Variants in GRM7 observed in about 807,000 individuals in gnomAD.
GRM7 encodes glutamate metabotropic receptor 7.
Under a neutral mutation model 84.5 loss-of-function variants are expected in GRM7, and 35 were observed. The ratio of observed to expected loss-of-function variants is 0.41; its 90% confidence interval spans 0.32 to 0.55. The LOEUF (loss-of-function observed/expected upper bound fraction) is 0.55, where lower values mean the gene tolerates loss of function less well. Ranked by LOEUF, GRM7 falls within the 20% of genes least tolerant of loss-of-function variation. The pLI is 0.19. For missense variants in GRM7, 1,003 were observed against 1,194.6 expected, an observed-to-expected ratio of 0.84 and a Z score of 2.36; for synonymous variants, 487 against 455.1, an observed-to-expected ratio of 1.07 and a Z score of -0.89.
intron 1 of GRM7, among the ~76,000 whole-genome samples, chr3:7,032,331 G>A (rs1696221224): frequency 6.6e-6 from 1 of 152,094 alleles, no homozygotes; most frequent in African/African-American, 2.4e-5. Context: ...TGAGTTATTT[G>A]GTTAGATGTG....
chr3:6,991,422 C>T (rs1219346916), intron 1 of GRM7, among the ~76,000 whole-genome samples: 2 of 151,994 alleles, frequency 1.3e-5, no homozygotes, highest in African/African-American at 2.4e-5. Context: ...GTGAACGTTG[C>T]AAGAACAAAT....
At chr3:7,542,123 T>C (rs544766954) in intron 7 of GRM7, among the ~76,000 whole-genome samples, 3 of 152,218 alleles carry the variant, frequency 2.0e-5, no homozygotes, top group Non-Finnish European at 4.4e-5. Flanking sequence ...TATGACCTCA[T>C]TGTAACTGCA....
At chr3:7,520,525 A>G (rs1575445322) in intron 7 of GRM7, among the ~76,000 whole-genome samples, 1 of 149,824 alleles carries the variant, frequency 6.7e-6, no homozygotes, top group East Asian at 2.0e-4. Context: ...AAAAAAAAAC[A>G]CCACCATGGG....
intron 1 of GRM7, among the ~76,000 whole-genome samples, chr3:7,105,475 A>AT (rs1236909135): frequency 6.6e-6 from 1 of 151,800 alleles, no homozygotes; most frequent in East Asian, 1.9e-4. Context: ...GAATTTTGGC[A>AT]TTTTTTCCTG....
intron 4 of GRM7, among the ~76,000 whole-genome samples, chr3:7,386,739 G>T (rs1451202591): frequency 6.6e-6 from 1 of 152,044 alleles, no homozygotes; most frequent in Non-Finnish European, 1.5e-5. Context: ...TTCAAGTGCG[G>T]GTGTCTTTTG....
chr3:7,453,348 C>T (rs1204550671), intron 6 of GRM7, among the ~76,000 whole-genome samples: 1 of 152,018 alleles, frequency 6.6e-6, no homozygotes, highest in Non-Finnish European at 1.5e-5. Flanking sequence ...AGGCTTAGTT[C>T]CCAAGACTCT....
intron 2 of GRM7, among the ~76,000 whole-genome samples, chr3:7,199,877 G>A (rs1182414303): frequency 2.0e-5 from 3 of 152,138 alleles, no homozygotes; most frequent in Non-Finnish European, 4.4e-5. Flanking sequence ...CATCATGCCA[G>A]ACCTTCTGTC....
intron 4 of GRM7, among the ~76,000 whole-genome samples, chr3:7,412,473 C>A (rs1007634178): frequency 1.3e-5 from 2 of 152,176 alleles, no homozygotes; most frequent in Non-Finnish European, 2.9e-5. Context: ...CTGGAAAGGT[C>A]ACTTCCCAAA....
chr3:7,680,188 A>G lies in GRM7; in HGVS notation c.2591A>G (p.Lys864Arg). 6.2e-7 allele frequency: 1 copy of G among 1,614,208 alleles called. No homozygotes were observed. The highest frequency in any genetic ancestry group is 1.1e-5 in the South Asian group (1 of 91,090). ...LNVQKRKRSFKAVVTAATMSS... is the reference protein window; with the variant it reads ...LNVQKRKRSFRAVVTAATMSS... The stretch of plus-strand genomic sequence containing the variant: ...GTCCAGAAACGGAAGCGAAGCTTCA[A>G]GGCGGTAGTCACAGCAGCCACCATG... The change falls in exon 9 of 10, where the codon AAG (lysine) becomes AGG (arginine). Residue 864 changes from lysine (K) to arginine (R), a missense_variant. By Grantham distance (26) the Lys-to-Arg change is conservative. Around this residue, in one of 2 missense-constraint regions of GRM7, gnomAD observed 910 missense variants for 1,126.0 expected, o/e 0.81. Transcript: ENST00000357716.
chr3:7,648,812 A>G (rs1057086243), intron 8 of GRM7, among the ~76,000 whole-genome samples: 4 of 152,162 alleles, frequency 2.6e-5, no homozygotes, highest in Non-Finnish European at 5.9e-5. Flanking sequence ...TAAGACTACA[A>G]AAATAGGTCT....
intron 7 of GRM7, among the ~76,000 whole-genome samples, chr3:7,516,476 C>CA (rs34508559): frequency 0.023 from 955 of 42,400 alleles, 82 homozygotes; most frequent in East Asian, 0.083. Flanking sequence ...GACTCCCTCT[C>CA]AAAAAAAAAA....
chr3:7,446,463 T>G (rs1274635956), intron 5 of GRM7, among the ~76,000 whole-genome samples: 3 of 120,268 alleles, frequency 2.5e-5, no homozygotes, highest in Admixed American at 8.2e-5. Flanking sequence ...TTTTTTTTTT[T>G]GTTTTTTTTT....
chr3:6,909,283 G>C (rs1029885554), intron 1 of GRM7, among the ~76,000 whole-genome samples: 5 of 152,182 alleles, frequency 3.3e-5, no homozygotes, highest in Admixed American at 6.5e-5. Context: ...TTGATTGGTG[G>C]TTACTCCAAA....
intron 1 of GRM7, among the ~76,000 whole-genome samples, chr3:6,869,649 T>C (rs375384676): frequency 8.4e-5 from 11 of 130,678 alleles, no homozygotes; most frequent in Non-Finnish European, 1.6e-4. Context: ...GTGAGACAGA[T>C]AGAAGGAGAG....
chr3:7,060,534 A>G (rs1371268076), intron 1 of GRM7, among the ~76,000 whole-genome samples: 2 of 151,782 alleles, frequency 1.3e-5, no homozygotes, highest in African/African-American at 4.8e-5. Context: ...TATACAGTAG[A>G]AGGAAACACT....
At chr3:7,167,232 T>A (rs1694829294) in intron 2 of GRM7, among the ~76,000 whole-genome samples, 2 of 152,184 alleles carry the variant, frequency 1.3e-5, no homozygotes, top group Admixed American at 1.3e-4. Flanking sequence ...CTCTAATAAG[T>A]GTCATTTGCA....
intron 9 of GRM7, among the ~76,000 whole-genome samples, chr3:7,686,704 A>G (rs373189382): frequency 5.6e-4 from 86 of 152,278 alleles, no homozygotes; most frequent in African/African-American, 2.1e-3. Flanking sequence ...ATTGCAGAGA[A>G]CTGTTGCTGG....
At chr3:7,598,353 G>C in intron 8 of GRM7, among the ~76,000 whole-genome samples, 1 of 152,146 alleles carries the variant, frequency 6.6e-6, no homozygotes, top group Non-Finnish European at 1.5e-5. Flanking sequence ...GGAGCACATG[G>C]ATATCTGGTG....
chr3:6,948,904 C>T (rs1405603553), intron 1 of GRM7, among the ~76,000 whole-genome samples: 1 of 152,074 alleles, frequency 6.6e-6, no homozygotes, highest in Non-Finnish European at 1.5e-5. Context: ...TTTCCATTTG[C>T]TTGGTAGATC....
Sources: gnomAD v4.1 joint callset for allele counts (sites outside exome capture counted in the v4.1 genomes callset) on GRCh38, gnomAD v4.1.1 for gene constraint, gnomAD v4.1.1 regional missense constraint, MANE v1.5 for transcripts, NCBI Gene and HGNC (gene_info 2026-07-23, HGNC 2026-07-21) for gene names.